The following CCSER1 variants were observed in gnomAD, a reference collection of about 807,000 sequenced individuals.
The protein encoded by CCSER1 is serine-rich coiled-coil domain-containing protein 1.
CCSER1 carries 41 observed loss-of-function variants against 82.0 expected under a neutral mutation model. The ratio of observed to expected loss-of-function variants is 0.50; its 90% CI spans 0.39 to 0.65. The LOEUF is 0.65. Among genes scored for constraint, CCSER1 ranks in the 30% least tolerant of loss-of-function variants. CCSER1 has a pLI of 0.00. For synonymous variants in CCSER1, 414 were observed against 383.9 expected (o/e 1.08, Z -0.92); for missense variants, 1,119 against 1,064.2 (o/e 1.05, Z -0.72).
intron 10 of CCSER1, among the ~76,000 whole-genome samples, chr4:91,515,089 T>A (rs1760032208): frequency 6.6e-6 from 1 of 152,192 alleles, no homozygotes; most frequent in Non-Finnish European, 1.5e-5. Context: ...TATATTTAAC[T>A]ATCACATATG....
intron 3 of CCSER1, among the ~76,000 whole-genome samples, chr4:90,380,559 T>C (rs893094800): frequency 1.3e-5 from 2 of 152,188 alleles, no homozygotes; most frequent in Non-Finnish European, 2.9e-5. Context: ...TCAGAATACA[T>C]TTAAATTGTT....
intron 10 of CCSER1, among the ~76,000 whole-genome samples, chr4:91,087,359 T>C (rs1177427581): frequency 1.3e-5 from 2 of 152,130 alleles, no homozygotes; most frequent in African/African-American, 4.8e-5. Context: ...ATTCTGCATT[T>C]GTTTTACTAA....
At chr4:91,333,269 A>T (rs886079706) in intron 10 of CCSER1, among the ~76,000 whole-genome samples, 1 of 152,028 alleles carries the variant, frequency 6.6e-6, no homozygotes, top group Non-Finnish European at 1.5e-5. Flanking sequence ...AGACAAAATG[A>T]CTTGTTTATC....
intron 10 of CCSER1, among the ~76,000 whole-genome samples, chr4:91,349,786 C>A (rs1748348141): frequency 7.4e-6 from 1 of 135,466 alleles, no homozygotes; most frequent in East Asian, 1.9e-4. Flanking sequence ...AGTTTGGGGG[C>A]CTCGTAAGAT....
chr4:91,604,642 C>T lies in CCSER1; in HGVS notation c.*5585C>T, dbSNP rs769628434. The T allele has an allele frequency of 1.3e-5, 2 of 151,942 alleles. No individual in the cohort carries two copies. Among genetic ancestry groups the T allele is most frequent in the Non-Finnish European group, 2.9e-5 (2 of 67,908 alleles). 9.4% of individuals were successfully genotyped at this position (151,942 alleles called of 1,614,324 possible). A position where few individuals can be genotyped will look rare whatever the true frequency, so the allele number is the denominator to read the frequency against. The stretch of plus-strand genomic sequence containing the variant: ...ATCTTTCCTTCATAGGACATTGATA[C>T]AGACATCATCAAATTCCTGTTTGTA... On this transcript the variant is annotated 3_prime_UTR_variant, in exon 11 of 11. Transcript: ENST00000509176.
At chr4:90,364,817 A>C (rs1745976773) in intron 3 of CCSER1, among the ~76,000 whole-genome samples, 1 of 152,042 alleles carries the variant, frequency 6.6e-6, no homozygotes, top group Admixed American at 6.5e-5. Flanking sequence ...ACTGAAAAGA[A>C]AAACATAAAA....
intron 9 of CCSER1, among the ~76,000 whole-genome samples, chr4:91,036,015 A>G (rs1581391980): frequency 6.6e-6 from 1 of 152,232 alleles, no homozygotes; most frequent in Non-Finnish European, 1.5e-5. Context: ...TTTAACTCAC[A>G]GGAGTCGGAT....
intron 5 of CCSER1, among the ~76,000 whole-genome samples, chr4:90,494,455 A>T (rs972300771): frequency 9.2e-5 from 14 of 152,172 alleles, no homozygotes; most frequent in Non-Finnish European, 1.5e-4. Flanking sequence ...AAATCAACAG[A>T]ATATACATTC....
intron 10 of CCSER1, among the ~76,000 whole-genome samples, chr4:91,208,149 T>G (rs1736500740): frequency 6.6e-6 from 1 of 151,852 alleles, no homozygotes; most frequent in Non-Finnish European, 1.5e-5. Context: ...AGATATAGAG[T>G]TCACAACAAA....
At chr4:90,602,498 C>T (rs1784143930) in intron 5 of CCSER1, among the ~76,000 whole-genome samples, 1 of 152,054 alleles carries the variant, frequency 6.6e-6, no homozygotes, top group African/African-American at 2.4e-5. Context: ...TCTCATTCAC[C>T]CAATATCCAT....
chr4:91,427,799 A>C (rs1030472857), intron 10 of CCSER1, among the ~76,000 whole-genome samples: 1 of 152,124 alleles, frequency 6.6e-6, no homozygotes, highest in Non-Finnish European at 1.5e-5. Flanking sequence ...TACTAAGGGA[A>C]CTTAATTTAA....
intron 1 of CCSER1, among the ~76,000 whole-genome samples, chr4:90,164,482 T>C (rs1157156489): frequency 6.6e-6 from 1 of 152,138 alleles, no homozygotes; most frequent in Non-Finnish European, 1.5e-5. Context: ...GAGATCTTTT[T>C]TGATAGTCAG....
intron 10 of CCSER1, among the ~76,000 whole-genome samples, chr4:91,326,767 G>A (rs1443080963): frequency 6.6e-6 from 1 of 152,114 alleles, no homozygotes; most frequent in East Asian, 1.9e-4. Flanking sequence ...ATACAATGGG[G>A]GTACTGGCAT....
chr4:91,210,078 G>C (rs900114619), intron 10 of CCSER1, among the ~76,000 whole-genome samples: 2 of 151,670 alleles, frequency 1.3e-5, no homozygotes, highest in African/African-American at 4.8e-5. Flanking sequence ...ATGTCACCAA[G>C]TGAAGATGTG....
chr4:90,256,187 A>G (rs539196717), intron 1 of CCSER1, among the ~76,000 whole-genome samples: 1 of 152,216 alleles, frequency 6.6e-6, no homozygotes, highest in African/African-American at 2.4e-5. Context: ...GTAATGGAGG[A>G]GCCAATTCCT....
intron 7 of CCSER1, chr4:90,780,318 A>G (rs1753597224): frequency 9.9e-7 from 1 of 1,011,794 alleles, no homozygotes; most frequent in Non-Finnish European, 1.5e-6. Context: ...GTGTCCTTTT[A>G]CGCTTCCCAT....
At chr4:91,378,044 A>T (rs950693754) in intron 10 of CCSER1, among the ~76,000 whole-genome samples, 1 of 152,188 alleles carries the variant, frequency 6.6e-6, no homozygotes, top group Non-Finnish European at 1.5e-5. Flanking sequence ...AGATTTGTCA[A>T]AGATCAGATG....
chr4:91,037,869 A>AT (rs1266183968), intron 9 of CCSER1, among the ~76,000 whole-genome samples: 1 of 152,124 alleles, frequency 6.6e-6, no homozygotes, highest in Non-Finnish European at 1.5e-5. Context: ...TAATGAATCA[A>AT]TTTTTCTGAA....
chr4:90,933,045 AG>A lies in CCSER1; in HGVS notation c.2172+9599del, dbSNP rs1182061017. On this transcript the variant is annotated intron_variant, in intron 9 of 10. Coordinates refer to ENST00000509176, the MANE Select transcript of CCSER1 (RefSeq NM_001145065.2). ...GAAAGAAAGAAAGAAAGAAAGAAAG[AG>A]AAGGAAGGAACGAAGGAAAGAAGAA... 2.9e-4 allele frequency among the ~76,000 whole-genome samples: 15 copies of A among 51,772 alleles called. 1 individual carries two copies. The highest frequency in any genetic ancestry group is 1.7e-3 in the East Asian group (5 of 2,954). 34.0% of individuals were successfully genotyped at this position (51,772 alleles called of 152,430 possible). A position where few individuals can be genotyped will look rare whatever the true frequency, so the allele number is the denominator to read the frequency against.
Sources: gnomAD v4.1 joint callset for allele counts (sites outside exome capture counted in the v4.1 genomes callset) on GRCh38, gnomAD v4.1.1 for gene constraint, MANE v1.5 for transcripts, NCBI Gene and HGNC (gene_info 2026-07-23, HGNC 2026-07-21) for gene names.